FSTL5: variants seen among roughly 807,000 people sequenced by gnomAD.
The protein encoded by FSTL5 is follistatin like 5.
Under a neutral mutation model 89.1 loss-of-function variants are expected in FSTL5, and 62 were observed. That is an observed-to-expected ratio of 0.70 (90% CI 0.57 to 0.86). The LOEUF (loss-of-function observed/expected upper bound fraction) is 0.86, where lower values mean the gene tolerates loss of function less well. Among genes scored for constraint, FSTL5 ranks in the 40% least tolerant of loss-of-function variants. FSTL5 has a pLI of 0.00. For synonymous variants in FSTL5, 383 were observed against 346.2 expected, an observed-to-expected ratio of 1.11 and a Z score of -1.18; for missense variants, 1,057 against 1,001.6, an observed-to-expected ratio of 1.06 and a Z score of -0.75.
chr4:161,978,110 T>C (rs904168308), intron 3 of FSTL5, among the ~76,000 whole-genome samples: 6 of 152,216 alleles, frequency 3.9e-5, no homozygotes, highest in African/African-American at 1.4e-4. Flanking sequence ...GCAGTTTGTA[T>C]ATAACAGCCA....
At chr4:161,437,183 G>C (rs1732585711) in intron 15 of FSTL5, among the ~76,000 whole-genome samples, 1 of 152,122 alleles carries the variant, frequency 6.6e-6, no homozygotes, top group South Asian at 2.1e-4. Context: ...GCATGGTAGA[G>C]GCACTGTGAG....
At chr4:161,858,006 C>T (rs1731774263) in intron 4 of FSTL5, among the ~76,000 whole-genome samples, 1 of 152,128 alleles carries the variant, frequency 6.6e-6, no homozygotes, top group Non-Finnish European at 1.5e-5. Flanking sequence ...TCAATGTCTC[C>T]CACCTTAAAT....
chr4:161,917,451 TA>T (rs1370304592), intron 4 of FSTL5, among the ~76,000 whole-genome samples: 2 of 152,160 alleles, frequency 1.3e-5, no homozygotes, highest in African/African-American at 4.8e-5. Context: ...AATACAGACA[TA>T]TCCCATATAT....
intron 3 of FSTL5, among the ~76,000 whole-genome samples, chr4:161,991,738 C>A (rs1736117602): frequency 6.6e-6 from 1 of 152,054 alleles, no homozygotes; most frequent in South Asian, 2.1e-4. Context: ...TGTCCCGGAG[C>A]CAATCCCCTG....
chr4:162,085,966 A>G (rs531577939), intron 2 of FSTL5, among the ~76,000 whole-genome samples: 1 of 152,218 alleles, frequency 6.6e-6, no homozygotes, highest in South Asian at 2.1e-4. Flanking sequence ...AACAAATGTA[A>G]ATACAGTCAG....
At chr4:161,802,040 T>C (rs1254415949) in intron 4 of FSTL5, among the ~76,000 whole-genome samples, 1 of 151,726 alleles carries the variant, frequency 6.6e-6, no homozygotes, top group Non-Finnish European at 1.5e-5. Flanking sequence ...CTTTGTAATC[T>C]TTTAAAAATA....
intron 7 of FSTL5, among the ~76,000 whole-genome samples, chr4:161,654,063 CT>C (rs1162570275): frequency 6.8e-6 from 1 of 147,638 alleles, no homozygotes; most frequent in Non-Finnish European, 1.5e-5. Context: ...TGTGCAAGAA[CT>C]TATCTTATAT....
chr4:161,934,140 C>T (rs146021982), intron 3 of FSTL5, among the ~76,000 whole-genome samples: 3 of 152,012 alleles, frequency 2.0e-5, no homozygotes, highest in African/African-American at 7.2e-5. Context: ...TTATCATGTC[C>T]CAGCTTAAGC....
intron 4 of FSTL5, among the ~76,000 whole-genome samples, chr4:161,915,409 A>C (rs944971561): frequency 2.6e-5 from 4 of 151,774 alleles, no homozygotes; most frequent in Non-Finnish European, 5.9e-5. Flanking sequence ...CTAATATCCC[A>C]AAATCCCAAA....
At chr4:162,068,157 C>A (rs1372792236) in intron 2 of FSTL5, among the ~76,000 whole-genome samples, 1 of 152,064 alleles carries the variant, frequency 6.6e-6, no homozygotes, top group African/African-American at 2.4e-5. Flanking sequence ...ATGCTATTCC[C>A]ATTAAACTTC....
At chr4:161,630,267 C>A (rs1735460570) in intron 7 of FSTL5, among the ~76,000 whole-genome samples, 1 of 152,266 alleles carries the variant, frequency 6.6e-6, no homozygotes, top group South Asian at 2.1e-4. Context: ...ATGAACAGTG[C>A]GGTGAGTTAC....
At chr4:161,800,060 G>C (rs1350354762) in intron 4 of FSTL5, among the ~76,000 whole-genome samples, 1 of 151,572 alleles carries the variant, frequency 6.6e-6, no homozygotes. Context: ...CCTCTCTTAA[G>C]GCACTAATTA....
At chr4:161,796,251 T>C (rs1324650848) in intron 4 of FSTL5, among the ~76,000 whole-genome samples, 3 of 151,856 alleles carry the variant, frequency 2.0e-5, no homozygotes, top group Non-Finnish European at 4.4e-5. Flanking sequence ...GTCGAAAGTT[T>C]CCCTCACCTG....
intron 4 of FSTL5, among the ~76,000 whole-genome samples, chr4:161,844,160 A>G (rs1332912343): frequency 6.6e-6 from 1 of 152,196 alleles, no homozygotes; most frequent in African/African-American, 2.4e-5. Context: ...TCAAAAGAAG[A>G]CATATATGCA....
chr4:161,809,918 A>C (rs1730086471), intron 4 of FSTL5, among the ~76,000 whole-genome samples: 1 of 152,222 alleles, frequency 6.6e-6, no homozygotes, highest in East Asian at 1.9e-4. Context: ...GATGATAGCC[A>C]CACAACAATG....
intron 12 of FSTL5, among the ~76,000 whole-genome samples, chr4:161,486,444 A>T (rs1354752975): frequency 6.6e-6 from 1 of 152,218 alleles, no homozygotes; most frequent in Non-Finnish European, 1.5e-5. Context: ...ATCATTAAAT[A>T]AAGGCATGTA....
chr4:161,937,876 C>A (rs1027953394), intron 3 of FSTL5, among the ~76,000 whole-genome samples: 3 of 152,084 alleles, frequency 2.0e-5, no homozygotes, highest in Admixed American at 1.3e-4. Context: ...GCCAGTTGCC[C>A]TGCTTATTGA....
At chr4:161,583,563 G>A (rs1230321359) in intron 8 of FSTL5, among the ~76,000 whole-genome samples, 1 of 151,652 alleles carries the variant, frequency 6.6e-6, no homozygotes, top group African/African-American at 2.4e-5. Flanking sequence ...TTCCCTTGTT[G>A]ATATAAATGC....
chr4:161,859,213 A>G (rs541938915), intron 4 of FSTL5, among the ~76,000 whole-genome samples: 1 of 152,296 alleles, frequency 6.6e-6, no homozygotes, highest in South Asian at 2.1e-4. Flanking sequence ...TTTAATTTCT[A>G]TCTTAGAGGA....
Sources: gnomAD v4.1 joint callset for allele counts (sites outside exome capture counted in the v4.1 genomes callset) on GRCh38, gnomAD v4.1.1 for gene constraint, MANE v1.5 for transcripts, NCBI Gene and HGNC (gene_info 2026-07-23, HGNC 2026-07-21) for gene names.